The following SCAPER variants were observed in gnomAD, a reference collection of about 807,000 sequenced individuals.
SCAPER encodes the protein S phase cyclin A-associated protein in the endoplasmic reticulum.
A neutral mutation model predicts 182.2 loss-of-function variants in SCAPER; 98 were observed. The ratio of observed to expected loss-of-function variants is 0.54; its 90% CI spans 0.46 to 0.64. The LOEUF is 0.64. Among genes scored for constraint, SCAPER ranks in the 30% least tolerant of loss-of-function variants. The pLI, the probability that SCAPER is intolerant of heterozygous loss-of-function variation, is 0.00. For missense variants in SCAPER, 1,432 were observed against 1,690.0 expected (o/e 0.85, Z 2.68); for synonymous variants, 605 against 564.6 (o/e 1.07, Z -1.01).
intron 21 of SCAPER, among the ~76,000 whole-genome samples, chr15:76,640,092 G>A (rs923677797): frequency 6.6e-6 from 1 of 152,106 alleles, no homozygotes; most frequent in African/African-American, 2.4e-5. Context: ...ATAATAATGG[G>A]CTTGATTGCT....
chr15:76,470,756 C>A (rs1269373350), intron 25 of SCAPER, among the ~76,000 whole-genome samples: 1 of 152,200 alleles, frequency 6.6e-6, no homozygotes, highest in African/African-American at 2.4e-5. Context: ...TCCTTTCTAA[C>A]AGAGGAGTTT....
intron 25 of SCAPER, among the ~76,000 whole-genome samples, chr15:76,456,992 GTAGA>G (rs2048785842): frequency 6.6e-6 from 1 of 151,278 alleles, no homozygotes; most frequent in Non-Finnish European, 1.5e-5. Context: ...TGCATCTCAT[GTAGA>G]TAGAGCACAT....
At chr15:76,708,353 G>C (rs1183011759) in intron 17 of SCAPER, among the ~76,000 whole-genome samples, 1 of 151,636 alleles carries the variant, frequency 6.6e-6, no homozygotes, top group Admixed American at 6.6e-5. Context: ...AATGTATTTT[G>C]AATGGAAATA....
rs541670471 is a variant in SCAPER, at chr15:76,519,777, T to C, written c.2839-14803A>G. 2.0e-5 allele frequency among the ~76,000 whole-genome samples: 3 copies of C among 152,312 alleles called. No homozygotes were observed. The East Asian group carries it at 5.8e-4, about 29-fold the overall frequency. ...TAATCTGCATAAATGTTAGTGATGA[T>C]CATCTTTGAATTCTGTCCCCCAAAC... On this transcript the variant is annotated intron_variant, in intron 23 of 31. Coordinates refer to ENST00000563290, the MANE Select transcript of SCAPER (RefSeq NM_020843.4).
chr15:76,396,191 C>T (rs2142061577), intron 27 of SCAPER, among the ~76,000 whole-genome samples: 1 of 152,258 alleles, frequency 6.6e-6, no homozygotes, highest in East Asian at 1.9e-4. Context: ...GTCCATGTGT[C>T]TGTTTTTATG....
At position 76,753,921 on chromosome 15, in the gene SCAPER, C is replaced by T. The variant is rs1207721947; in HGVS notation, c.1753G>A (p.Glu585Lys). ...ATCCTGCGTCGTTGATCTAGCAATT[C>T]TTCCTTCCACTTCCGGACATCCTTC... ...REKDVRKWKE[E>K]LLDQRRRMME... is the part of the protein sequence containing the mutation. The change falls in exon 15 of 32, where the codon GAA becomes AAA. Residue 585 changes from glutamate to lysine, a missense_variant. By Grantham distance (56) the Glu-to-Lys change is moderately conservative (BLOSUM62 1). This residue lies in a region of SCAPER where 88 missense variants were observed against 184.2 expected (regional missense o/e 0.48). Coordinates refer to ENST00000563290, the MANE Select transcript of SCAPER (RefSeq NM_020843.4). 1 of 1,612,868 alleles carries T rather than the reference C, an allele frequency of 6.2e-7. No homozygotes were observed. Among genetic ancestry groups the T allele is most frequent in the Non-Finnish European group, 8.5e-7 (1 of 1,179,194 alleles).
intron 29 of SCAPER, among the ~76,000 whole-genome samples, chr15:76,362,732 T>G (rs999981668): frequency 2.6e-5 from 4 of 152,170 alleles, no homozygotes; most frequent in African/African-American, 4.8e-5. Context: ...TCTTTCTCTC[T>G]CTTATATAAT....
At chr15:76,898,923 A>C (rs1479321820) in intron 1 of SCAPER, among the ~76,000 whole-genome samples, 1 of 152,252 alleles carries the variant, frequency 6.6e-6, no homozygotes, top group Non-Finnish European at 1.5e-5. Flanking sequence ...TGTGAAGTAT[A>C]GCTCAATAAA....
chr15:76,800,503 T>C (rs1158561562), intron 6 of SCAPER, 139 bp from the exon 7 acceptor site: 5 of 657,882 alleles, frequency 7.6e-6, no homozygotes, highest in African/African-American at 1.8e-5. Flanking sequence ...CATGTGCAAA[T>C]GTTCCCCTAG....
intron 23 of SCAPER, among the ~76,000 whole-genome samples, chr15:76,529,433 T>C (rs1430146955): frequency 6.6e-6 from 1 of 152,204 alleles, no homozygotes; most frequent in Non-Finnish European, 1.5e-5. Context: ...AGGAATATTC[T>C]AGTTGGGGAA....
intron 8 of SCAPER, among the ~76,000 whole-genome samples, chr15:76,786,032 TA>T (rs986881347): frequency 1.3e-5 from 2 of 151,584 alleles, no homozygotes; most frequent in Admixed American, 1.3e-4. Context: ...TAATAATATT[TA>T]AAAAAAATCA....
chr15:76,574,425 A>G (rs930330861), intron 22 of SCAPER, 141 bp from the exon 23 acceptor site: 1 of 870,968 alleles, frequency 1.1e-6, no homozygotes, highest in Non-Finnish European at 1.7e-6. Context: ...AGAAAAAACC[A>G]GACAACCAAT....
chr15:76,763,900 T>C (rs964957335), intron 14 of SCAPER, among the ~76,000 whole-genome samples: 1 of 152,216 alleles, frequency 6.6e-6, no homozygotes, highest in Non-Finnish European at 1.5e-5. Context: ...TCTCTCACCG[T>C]TCACTGACCT....
intron 23 of SCAPER, among the ~76,000 whole-genome samples, chr15:76,528,098 AG>A: frequency 6.6e-6 from 1 of 152,342 alleles, no homozygotes; most frequent in South Asian, 2.1e-4. Flanking sequence ...CAGGCCAAGA[AG>A]CAAAATCAAG....
chr15:76,832,599 G>A (rs536852964), intron 5 of SCAPER, among the ~76,000 whole-genome samples: 1 of 152,294 alleles, frequency 6.6e-6, no homozygotes, highest in South Asian at 2.1e-4. Flanking sequence ...CAAATCTCAA[G>A]TTCAATTGTA....
chr15:76,357,102 T>C (rs1221615435), intron 29 of SCAPER, among the ~76,000 whole-genome samples: 3 of 151,056 alleles, frequency 2.0e-5, no homozygotes, highest in Non-Finnish European at 4.4e-5. Context: ...TCCATTGCTC[T>C]GGGTTTTAAG....
At chr15:76,685,154 T>A (rs114942052) in intron 20 of SCAPER, among the ~76,000 whole-genome samples, 99 of 152,022 alleles carry the variant, frequency 6.5e-4, no homozygotes, top group African/African-American at 2.2e-3. Context: ...ATTTAGAAAT[T>A]AGAAAAAGAA....
rs769687969 is a variant in SCAPER at position 76,612,687 on chromosome 15, T to G, written c.2711+9077A>C. ...CCATTCCATACTGCCACAAAAAGAA[T>G]AAAATACCTAGGAATACAGCTAATT... On this transcript the variant is annotated intron_variant, in intron 22 of 31. Transcript: ENST00000563290. 5.9e-5 allele frequency among the ~76,000 whole-genome samples: 9 copies of G among 152,172 alleles called. No individual in the cohort carries two copies. In the South Asian group the frequency reaches 1.7e-3, roughly 28 times the overall value.
chr15:76,791,937 T>G (rs1161634956), intron 8 of SCAPER, among the ~76,000 whole-genome samples: 5 of 151,002 alleles, frequency 3.3e-5, no homozygotes, highest in Non-Finnish European at 7.4e-5. Context: ...AATGATTGGT[T>G]TTTTTTTGTC....
Sources: allele counts gnomAD v4.1 joint callset (sites outside exome capture counted in the v4.1 genomes callset), GRCh38; gene constraint gnomAD v4.1.1; regional missense constraint gnomAD v4.1.1; transcripts MANE v1.5; gene names NCBI Gene and HGNC (gene_info 2026-07-23, HGNC 2026-07-21).